NRIP1: variants seen among roughly 807,000 people sequenced by gnomAD.
NRIP1 encodes the protein nuclear receptor interacting protein 1.
NRIP1 carries 28 observed loss-of-function variants against 75.0 expected under a neutral mutation model. The ratio of observed to expected loss-of-function variants is 0.37; its 90% CI spans 0.28 to 0.51. NRIP1 has a LOEUF of 0.51. Among genes scored for constraint, NRIP1 ranks in the 20% least tolerant of loss-of-function variants. The pLI is 0.92. For synonymous variants in NRIP1, 526 were observed against 487.6 expected, an observed-to-expected ratio of 1.08 and a Z score of -1.04; for missense variants, 1,435 against 1,343.7, an observed-to-expected ratio of 1.07 and a Z score of -1.06.
intron 3 of NRIP1, among the ~76,000 whole-genome samples, chr21:15,009,782 T>C (rs2088058895): frequency 6.6e-6 from 1 of 152,354 alleles, no homozygotes; most frequent in East Asian, 1.9e-4. Context: ...AAAGTTATAA[T>C]TAAATTTAAT....
chr21:15,003,041 G>A (rs1264133946), intron 3 of NRIP1, among the ~76,000 whole-genome samples: 1 of 152,044 alleles, frequency 6.6e-6, no homozygotes, highest in Non-Finnish European at 1.5e-5. Context: ...TATAAATCTA[G>A]AGTTCTGGTG....
chr21:14,966,558 T>G lies in NRIP1; in HGVS notation c.1635A>C (p.Thr545=), dbSNP rs768408726. The G allele has an allele frequency of 3.7e-6, 6 of 1,613,966 alleles. No homozygotes were observed. The East Asian group carries it at 1.3e-4, about 36-fold the overall frequency. ...GAGTGCTCACTGGAGTAGTCCGATT[T>G]GTACTGGGGCTTTCTATCACAGAAG... ...ARTSVIESPS[T]NRTTPVSTPP... The change falls in exon 4 of 4, where the codon ACA becomes ACC. Residue 545 remains threonine (T), a synonymous_variant. Transcript: ENST00000318948.
chr21:14,969,912 C>T (rs1340476313), intron 3 of NRIP1, among the ~76,000 whole-genome samples: 1 of 152,130 alleles, frequency 6.6e-6, no homozygotes, highest in Admixed American at 6.5e-5. Context: ...TCTTGAGATT[C>T]CAATGCCACC....
In NRIP1 at chr21:14,965,800, G is replaced by A. The variant is rs754463896; in HGVS notation, c.2393C>T (p.Ser798Phe). 1.2e-6 allele frequency: 2 copies of A among 1,613,982 alleles called. No individual in the cohort carries two copies. Among genetic ancestry groups the A allele is most frequent in the East Asian group, 2.2e-5 (1 of 44,870 alleles). ...VQRSAPALPV[S>F]EDFKSEPVSP... ...AACAGGCTCCGATTTAAAGTCTTCG[G>A]ACACTGGTAAGGCAGGTGCGCTTCT... The change falls in exon 4 of 4, where the codon TCC (serine) becomes TTC (phenylalanine). Residue 798 changes from serine to phenylalanine, a missense_variant. By Grantham distance (155) the Ser-to-Phe change is radical. Coordinates refer to ENST00000318948, the MANE Select transcript of NRIP1 (RefSeq NM_003489.4).
chr21:15,051,418 A>C (rs1456256586), intron 1 of NRIP1: 1 of 155,092 alleles, frequency 6.4e-6, no homozygotes, highest in African/African-American at 2.4e-5. Flanking sequence ...CTGGACTGGC[A>C]GTGTTGCTCA....
intron 2 of NRIP1, among the ~76,000 whole-genome samples, chr21:15,033,669 G>C (rs1284055140): frequency 6.6e-6 from 1 of 152,170 alleles, no homozygotes; most frequent in East Asian, 1.9e-4. Flanking sequence ...GTAAATACCT[G>C]TTACAATACT....
At chr21:15,051,082 T>C (rs1482933930) in intron 1 of NRIP1, 1 of 366,108 alleles carries the variant, frequency 2.7e-6, no homozygotes. Context: ...CAGAAACGGC[T>C]GCAGCCCGGT....
intron 3 of NRIP1, among the ~76,000 whole-genome samples, chr21:14,982,563 T>C (rs981965495): frequency 1.3e-5 from 2 of 152,146 alleles, no homozygotes; most frequent in Non-Finnish European, 2.9e-5. Context: ...CTGAACTCCA[T>C]AGCCTGAGGG....
chr21:15,028,431 T>G (rs555834825), intron 2 of NRIP1, among the ~76,000 whole-genome samples: 83 of 152,202 alleles, frequency 5.5e-4, no homozygotes, highest in Non-Finnish European at 1.1e-3. Context: ...AATAACACAT[T>G]TCCTTTAGAA....
At chr21:14,970,967 G>A (rs967259834) in intron 3 of NRIP1, among the ~76,000 whole-genome samples, 1 of 151,470 alleles carries the variant, frequency 6.6e-6, no homozygotes, top group Non-Finnish European at 1.5e-5. Flanking sequence ...CTCTAACACT[G>A]TATTTTACCA....
chr21:15,005,726 C>A (rs1184087157), intron 3 of NRIP1, among the ~76,000 whole-genome samples: 1 of 152,128 alleles, frequency 6.6e-6, no homozygotes, highest in Admixed American at 6.6e-5. Context: ...CTTAACCCTT[C>A]CCAAGCAGAA....
chr21:15,004,157 T>C (rs2087912518), intron 3 of NRIP1, among the ~76,000 whole-genome samples: 1 of 152,218 alleles, frequency 6.6e-6, no homozygotes. Flanking sequence ...TAACTTGTTT[T>C]CACACAGTCC....
chr21:15,027,765 G>T (rs1268985221), intron 2 of NRIP1, among the ~76,000 whole-genome samples: 1 of 152,132 alleles, frequency 6.6e-6, no homozygotes, highest in Non-Finnish European at 1.5e-5. Flanking sequence ...TTAACAAAAT[G>T]CATTTTCCCT....
At position 14,964,781 on chromosome 21, in the gene NRIP1, T is replaced by G. The variant is rs140307100; in HGVS notation, c.3412A>C (p.Ser1138Arg). The stretch of plus-strand genomic sequence containing the variant: ...AGTCCATAAACTTCTCCATTTGCGC[T>G]GTGTGGGCGAGAAGCATTATTTCCC... ...HMGNNASRPH[S>R]ANGEVYGLLG... The change falls in exon 4 of 4, where the codon AGC becomes CGC. Residue 1138 changes from serine (S) to arginine (R), a missense_variant. Transcript: ENST00000318948. The G allele has an allele frequency of 6.3e-7, 1 of 1,598,780 alleles. No homozygotes were observed. Among genetic ancestry groups the G allele is most frequent in the South Asian group, 1.1e-5 (1 of 87,906 alleles).
chr21:14,989,426 G>C (rs767963528), intron 3 of NRIP1, among the ~76,000 whole-genome samples: 9 of 152,170 alleles, frequency 5.9e-5, no homozygotes. Context: ...ACTAAAGTAT[G>C]CCAATTATCC....
chr21:15,040,101 T>C (rs1438715401), intron 2 of NRIP1, among the ~76,000 whole-genome samples: 1 of 152,096 alleles, frequency 6.6e-6, no homozygotes, highest in Non-Finnish European at 1.5e-5. Context: ...CAGCAATCAC[T>C]AGACACATGT....
intron 3 of NRIP1, among the ~76,000 whole-genome samples, chr21:15,012,662 A>G (rs1055171918): frequency 1.3e-5 from 2 of 152,072 alleles, no homozygotes; most frequent in African/African-American, 2.4e-5. Flanking sequence ...CATACTGGTC[A>G]GGCTGGTCTT....
rs143267993 is a variant in NRIP1, at chr21:15,052,876, T to C, written c.-537-9302A>G. Among the ~76,000 whole-genome samples the C allele has an allele frequency of 1.7e-3, 264 of 152,328 alleles. 1 individual carries two copies. Among genetic ancestry groups the C allele is most frequent in the East Asian group, 7.3e-3 (38 of 5,192 alleles). ...TTCATACAATTAAAAAAAAGGTTCC[T>C]ACCACTCTCACTGTGACACATAAAC... On this transcript the variant is annotated intron_variant, in intron 1 of 3. Transcript: ENST00000318948.
At chr21:15,052,546 G>A (rs1041404) in intron 1 of NRIP1, among the ~76,000 whole-genome samples, 55,664 of 151,936 alleles carry the variant, frequency 0.37, 11,892 homozygotes, top group African/African-American at 0.6. Context: ...TACAACCACA[G>A]TTTTCCCCCG....
Sources: gnomAD v4.1 joint callset for allele counts (sites outside exome capture counted in the v4.1 genomes callset) on GRCh38, gnomAD v4.1.1 for gene constraint, MANE v1.5 for transcripts, NCBI Gene and HGNC (gene_info 2026-07-23, HGNC 2026-07-21) for gene names.